MAP2K1: variants seen among roughly 807,000 people sequenced by gnomAD.
MAP2K1 encodes the protein dual specificity mitogen-activated protein kinase kinase 1.
Under a neutral mutation model 46.3 loss-of-function variants are expected in MAP2K1, and 16 were observed. The ratio of observed to expected loss-of-function variants is 0.35; its 90% confidence interval spans 0.23 to 0.52. The LOEUF is 0.52. Ranked by LOEUF, MAP2K1 falls within the 20% of genes least tolerant of loss-of-function variation. The probability of loss-of-function intolerance (pLI) is 0.94; values close to 1 mark genes in which losing one functional copy is unlikely to be tolerated. For missense variants in MAP2K1, 263 were observed against 497.1 expected, an observed-to-expected ratio of 0.53 and a Z score of 4.48; for synonymous variants, 183 against 185.6, an observed-to-expected ratio of 0.99 and a Z score of 0.11.
chr15:66,435,334 C>T, intron 2 of MAP2K1, 97 bp downstream of exon 2: 1 of 950,442 alleles, frequency 1.1e-6, no homozygotes, highest in Non-Finnish European at 1.6e-6. Flanking sequence ...TACTCAATAC[C>T]TTTTTGTGCT....
chr15:66,454,338 CT>C (rs1892110284), intron 5 of MAP2K1, among the ~76,000 whole-genome samples: 1 of 152,178 alleles, frequency 6.6e-6, no homozygotes, highest in South Asian at 2.1e-4. Context: ...CAAATTGTGA[CT>C]GTGCTACTTG....
At chr15:66,411,816 A>G (rs1285092161) in intron 1 of MAP2K1, among the ~76,000 whole-genome samples, 1 of 152,206 alleles carries the variant, frequency 6.6e-6, no homozygotes, top group African/African-American at 2.4e-5. Flanking sequence ...TTACCTATTT[A>G]TCCATTTTAA....
chr15:66,472,219 T>A (rs1413565213), intron 5 of MAP2K1, among the ~76,000 whole-genome samples: 4 of 151,304 alleles, frequency 2.6e-5, no homozygotes, highest in Non-Finnish European at 5.9e-5. Flanking sequence ...CAGGGAGAAT[T>A]GCTTGAATCT....
chr15:66,422,718 G>A (rs1016133243), intron 1 of MAP2K1, among the ~76,000 whole-genome samples: 2 of 152,048 alleles, frequency 1.3e-5, no homozygotes, highest in African/African-American at 2.4e-5. Flanking sequence ...CTTTTTTTAA[G>A]TATTGCTTAG....
At chr15:66,440,384 G>C (rs147381444) in intron 3 of MAP2K1, among the ~76,000 whole-genome samples, 174 of 152,286 alleles carry the variant, frequency 1.1e-3, no homozygotes, top group African/African-American at 3.9e-3. Flanking sequence ...GAGCCACCAC[G>C]CCTGGCCCTG....
intron 1 of MAP2K1, among the ~76,000 whole-genome samples, chr15:66,416,025 G>C (rs184201858): frequency 1.4e-3 from 207 of 152,244 alleles, no homozygotes; most frequent in Admixed American, 6.1e-3. Flanking sequence ...TAATTCTTTA[G>C]CATGGTGTGC....
At chr15:66,394,392 G>C (rs2093362930) in intron 1 of MAP2K1, among the ~76,000 whole-genome samples, 1 of 151,970 alleles carries the variant, frequency 6.6e-6, no homozygotes, top group Non-Finnish European at 1.5e-5. Context: ...GGTTGAGACA[G>C]GTTGATGTGC....
intron 1 of MAP2K1, among the ~76,000 whole-genome samples, chr15:66,427,755 C>T (rs2093462842): frequency 6.6e-6 from 1 of 152,016 alleles, no homozygotes; most frequent in Admixed American, 6.6e-5. Flanking sequence ...GTGGCTCACC[C>T]CTGTAATCCC....
chr15:66,403,764 T>C (rs1292629224), intron 1 of MAP2K1, among the ~76,000 whole-genome samples: 2 of 152,228 alleles, frequency 1.3e-5, no homozygotes, highest in Non-Finnish European at 2.9e-5. Context: ...TATTGAATTA[T>C]AATTTGTATA....
At chr15:66,444,342 C>T (rs1214562097) in intron 4 of MAP2K1, among the ~76,000 whole-genome samples, 1 of 148,888 alleles carries the variant, frequency 6.7e-6, no homozygotes, top group African/African-American at 2.5e-5. Flanking sequence ...GAGACTAGCC[C>T]GACAAACATG....
chr15:66,436,703 C>G (rs1275181405), intron 2 of MAP2K1, 43 bp from the exon 3 acceptor site: 2 of 1,592,956 alleles, frequency 1.3e-6, no homozygotes, highest in Admixed American at 3.3e-5. Context: ...CCCTTCCTCC[C>G]TCTTTCTTTC....
chr15:66,408,728 C>T (rs1218878683), intron 1 of MAP2K1, among the ~76,000 whole-genome samples: 1 of 152,092 alleles, frequency 6.6e-6, no homozygotes, highest in Non-Finnish European at 1.5e-5. Flanking sequence ...TCTGCTCATA[C>T]TATGTCTTCT....
chr15:66,389,656 C>A (rs911386751), intron 1 of MAP2K1, among the ~76,000 whole-genome samples: 2 of 147,418 alleles, frequency 1.4e-5, no homozygotes, highest in Non-Finnish European at 3.0e-5. Flanking sequence ...CTCACCACAA[C>A]CTCCACCTCC....
intron 5 of MAP2K1, among the ~76,000 whole-genome samples, chr15:66,462,755 T>C (rs936379909): frequency 6.6e-6 from 1 of 152,090 alleles, no homozygotes; most frequent in Non-Finnish European, 1.5e-5. Context: ...AGCTGGGCTT[T>C]GTTTCAGTGA....
chr15:66,486,072 T>A (rs911910192), intron 7 of MAP2K1, among the ~76,000 whole-genome samples: 5 of 152,040 alleles, frequency 3.3e-5, no homozygotes, highest in Admixed American at 6.6e-5. Context: ...CTAATTTTTT[T>A]AATTTTTTTG....
chr15:66,442,701 A>G (rs980114523), intron 3 of MAP2K1, among the ~76,000 whole-genome samples: 7 of 152,154 alleles, frequency 4.6e-5, no homozygotes, highest in African/African-American at 1.4e-4. Flanking sequence ...CCTCCTGTTT[A>G]ATTCTGACAC....
intron 5 of MAP2K1, among the ~76,000 whole-genome samples, chr15:66,478,120 T>TGAGC (rs1443606022): frequency 1.3e-5 from 2 of 151,848 alleles, no homozygotes; most frequent in Non-Finnish European, 2.9e-5. Flanking sequence ...AGAGGCTGCA[T>TGAGC]GGCTCGCTCC....
intron 10 of MAP2K1, 165 bp downstream of exon 10, chr15:66,489,928 T>C (rs1893188280): frequency 4.1e-6 from 3 of 730,584 alleles, no homozygotes; most frequent in East Asian, 5.2e-5. Flanking sequence ...TGCTCTCCCA[T>C]CAGTTTAAGG....
At chr15:66,414,966 C>T in intron 1 of MAP2K1, 4 of 429,872 alleles carry the variant, frequency 9.3e-6, no homozygotes, top group South Asian at 3.4e-5. Flanking sequence ...TGTGCTTGAG[C>T]TCCTTGTAGG....
Sources: allele counts gnomAD v4.1 joint callset (sites outside exome capture counted in the v4.1 genomes callset), GRCh38; gene constraint gnomAD v4.1.1; transcripts MANE v1.5; gene names NCBI Gene and HGNC (gene_info 2026-07-23, HGNC 2026-07-21).